The following MAP3K11 variants were observed in gnomAD, a reference collection of about 807,000 sequenced individuals.
MAP3K11 encodes the protein SH3 domain-containing proline-rich kinase.
Under a neutral mutation model 84.9 loss-of-function variants are expected in MAP3K11, and 46 were observed. The ratio of observed to expected loss-of-function variants is 0.54; its 90% confidence interval spans 0.43 to 0.69. The LOEUF (loss-of-function observed/expected upper bound fraction) is 0.69, where lower values mean the gene tolerates loss of function less well. Among genes scored for constraint, MAP3K11 ranks in the 30% least tolerant of loss-of-function variants. The pLI is 0.00. For missense variants in MAP3K11, 1,053 were observed against 1,198.3 expected, an observed-to-expected ratio of 0.88 and a Z score of 1.79; for synonymous variants, 527 against 514.7, an observed-to-expected ratio of 1.02 and a Z score of -0.32.
In MAP3K11 at chr11:65,613,464, T is replaced by C; in HGVS notation, c.293A>G (p.Asn98Ser). Residue 98 changes from asparagine (N) to serine (S), a missense_variant, in exon 1 of 10, where the codon AAC (asparagine) becomes AGC (serine). Physicochemically the swap from Asn to Ser is conservative, Grantham distance 46 (BLOSUM62 1). Transcript: ENST00000309100. ...CGGGCCGCCACCCCGAGACACATAG[T>C]TGGACGGGAAGATGCCCACCTGGCC... ...VGGQVGIFPS[N>S]YVSRGGGPPP... 4.3e-6 allele frequency: 7 copies of C among 1,612,106 alleles called. No homozygotes were observed. The highest frequency in any genetic ancestry group is 5.9e-6 in the Non-Finnish European group (7 of 1,179,386).
In MAP3K11 at chr11:65,599,756, C is replaced by A; in HGVS notation, c.1844G>T (p.Arg615Leu). 1 of 1,593,372 alleles carries A rather than the reference C, an allele frequency of 6.3e-7. No homozygotes were observed. Among genetic ancestry groups the A allele is most frequent in the African/African-American group, 1.3e-5 (1 of 74,906 alleles). Residue 615 changes from arginine to leucine, a missense_variant, in exon 9 of 10, where the codon CGG becomes CTG. By Grantham distance (102) the Arg-to-Leu change is moderately radical (BLOSUM62 -2). Coordinates refer to ENST00000309100, the MANE Select transcript of MAP3K11 (RefSeq NM_002419.4). The part of the protein sequence containing the change: ...TPPALNGNPP[R>L]PSLEPEEPKR... ...GGGCTCCTCGGGCTCCAGGCTAGGC[C>A]GCGGGGGGTTACCTGCGGGCAGAGG...
chr11:65,607,311 A>G lies in MAP3K11; in HGVS notation c.1448T>C (p.Leu483Pro). 6.6e-7 allele frequency: 1 copy of G among 1,522,956 alleles called. No homozygotes were observed. Among genetic ancestry groups the G allele is most frequent in the Non-Finnish European group, 8.7e-7 (1 of 1,144,384 alleles). 94.3% of individuals were successfully genotyped at this position (1,522,956 alleles called of 1,614,324 possible). A position where few individuals can be genotyped will look rare whatever the true frequency, so the allele number is the denominator to read the frequency against. ...ACGCTCGCCGCCGTCGCGCGCCCGG[A>G]GCTTGCTGCGCTTGAATGTCCCGCG... ...RRRGTFKRSK[L>P]RARDGGERIS... Residue 483 changes from leucine to proline, a missense_variant, in exon 5 of 10, where the codon CTC becomes CCC. Leu to Pro is a moderately conservative substitution (Grantham distance 98, BLOSUM62 -3). Transcript: ENST00000309100.
rs748613462 is a variant in MAP3K11 at position 65,607,294 on chromosome 11, C to T, written c.1465G>A (p.Gly489Ser). The T allele has an allele frequency of 2.6e-6, 4 of 1,520,982 alleles. No individual in the cohort carries two copies. The East Asian group carries it at 7.7e-5, about 29-fold the overall frequency. The allele number at this position is 1,520,982 out of a possible 1,614,324, so 94.2% of individuals were successfully genotyped here. ...CCGAGTGGCATGCTGATACGCTCGCCGCCGTCGCGCGCCCGGAGCTTGCTG... is the reference window on the plus strand; with the variant it reads ...CCGAGTGGCATGCTGATACGCTCGCTGCCGTCGCGCGCCCGGAGCTTGCTG... The part of the protein sequence containing the change: ...KRSKLRARDG[G>S]ERISMPLDFK... Residue 489 changes from glycine (G) to serine (S), a missense_variant, in exon 5 of 10, where the codon GGC becomes AGC. Physicochemically the swap from Gly to Ser is moderately conservative, Grantham distance 56 (BLOSUM62 0). Coordinates refer to ENST00000309100, the MANE Select transcript of MAP3K11 (RefSeq NM_002419.4).
intron 5 of MAP3K11, 84 bp from the exon 6 acceptor site, chr11:65,606,888 C>G (rs1854514817): frequency 1.2e-6 from 1 of 853,428 alleles, no homozygotes; most frequent in African/African-American, 1.8e-5. Flanking sequence ...CCAAGGCCAG[C>G]TCCCAGGCCA....
chr11:65,602,653 A>T (rs1168291811), intron 8 of MAP3K11, among the ~76,000 whole-genome samples: 5 of 151,502 alleles, frequency 3.3e-5, no homozygotes, highest in African/African-American at 1.2e-4. Flanking sequence ...CTCAAAAAAA[A>T]AAAAATTAGC....
chr11:65,611,789 CCT>C (rs1565145900), intron 1 of MAP3K11: 1 of 152,404 alleles, frequency 6.6e-6, no homozygotes, highest in African/African-American at 2.4e-5. Context: ...GTCCCCTCCC[CCT>C]GTGCCTTCGG....
chr11:65,608,639 T>G, intron 1 of MAP3K11, 191 bp from the exon 2 acceptor site: 7 of 570,702 alleles, frequency 1.2e-5, no homozygotes, highest in East Asian at 3.0e-5. Flanking sequence ...TTTCTTAAGA[T>G]AGAGTTTTGC....
Position 65,605,842 on chromosome 11 carries a change from G to T in MAP3K11, c.1750C>A (p.Arg584Ser). Residue 584 changes from arginine to serine, a missense_variant, in exon 8 of 10, where the codon CGC becomes AGC. By Grantham distance (110) the Arg-to-Ser change is moderately radical. Transcript: ENST00000309100. ...AGGTACCATGTGGCTTCGTCCATGC[G>T]GGACCTTCTCCTGGTGATGGGAGGG... ...GEAQNGRRRS[R>S]MDEATWYLDS... The T allele has an allele frequency of 6.2e-7, 1 of 1,613,256 alleles. No individual in the cohort carries two copies. Among genetic ancestry groups the T allele is most frequent in the Non-Finnish European group, 8.5e-7 (1 of 1,179,574 alleles).
chr11:65,599,561 G>T lies in MAP3K11; in HGVS notation c.2039C>A (p.Thr680Lys). The change falls in exon 9 of 10, where the codon ACG (threonine) becomes AAG (lysine). Residue 680 changes from threonine to lysine, a missense_variant. By Grantham distance (78) the Thr-to-Lys change is moderately conservative. Coordinates refer to ENST00000309100, the MANE Select transcript of MAP3K11 (RefSeq NM_002419.4). ...ERGESPTTPP[T>K]PTPAPCPTEP... Reference sequence around the variant, plus strand: ...GGTCGGGCAGGGCGCGGGCGTTGGCGTGGGGGGTGTTGTCGGGGACTCCCC... The same window carrying T: ...GGTCGGGCAGGGCGCGGGCGTTGGCTTGGGGGGTGTTGTCGGGGACTCCCC... 5.3e-6 allele frequency: 8 copies of T among 1,499,848 alleles called. No homozygotes were observed. Among genetic ancestry groups the T allele is most frequent in the Non-Finnish European group, 7.1e-6 (8 of 1,133,296 alleles). The allele number at this position is 1,499,848 out of a possible 1,614,324, so 92.9% of individuals were successfully genotyped here. A position where few individuals can be genotyped will look rare whatever the true frequency, so the allele number is the denominator to read the frequency against.
chr11:65,612,197 TTC>T (rs1287493048), intron 1 of MAP3K11: 3 of 152,374 alleles, frequency 2.0e-5, no homozygotes, highest in Non-Finnish European at 4.4e-5. Context: ...CTTCCATGCC[TTC>T]TCTCTCTAAA....
At chr11:65,608,135 T>G in intron 2 of MAP3K11, 65 bp from the exon 3 acceptor site, 2 of 1,600,244 alleles carry the variant, frequency 1.2e-6, no homozygotes, top group Non-Finnish European at 1.7e-6. Context: ...TTACTGCCAC[T>G]TCACCCAAAA....
rs755487787 is a variant in MAP3K11, at chr11:65,605,868, C to A, written c.1740-16G>T. ...GGACCTTCTCCTGGTGATGGGAGGG[C>A]AAGGAGGGGTGCTTTAGGAATTTCA... On this transcript the variant is annotated splice_polypyrimidine_tract_variant and intron_variant, in intron 7 of 9. Transcript: ENST00000309100. 6.2e-7 allele frequency: 1 copy of A among 1,612,658 alleles called. No individual in the cohort carries two copies. Among genetic ancestry groups the A allele is most frequent in the Non-Finnish European group, 8.5e-7 (1 of 1,179,364 alleles).
chr11:65,603,046 T>C (rs540058387), intron 8 of MAP3K11, among the ~76,000 whole-genome samples: 4 of 152,256 alleles, frequency 2.6e-5, no homozygotes, highest in African/African-American at 7.2e-5. Flanking sequence ...GAGTTTGCAG[T>C]GAGCCATGAT....
At position 65,613,224 on chromosome 11, in the gene MAP3K11, G is replaced by C. The variant is rs1010772289; in HGVS notation, c.533C>G (p.Ala178Gly). ...FAMLAHPNIIALKAVCLEEPN... is the reference protein window; with the variant it reads ...FAMLAHPNIIGLKAVCLEEPN... ...CTCCTCCAGGCACACAGCCTTGAGG[G>C]CAATGATGTTGGGGTGTGCCAGCAT... The change falls in exon 1 of 10, where the codon GCC (alanine) becomes GGC (glycine). Residue 178 changes from alanine to glycine, a missense_variant. Physicochemically the swap from Ala to Gly is moderately conservative, Grantham distance 60 (BLOSUM62 0). Around this residue, in one of 3 missense-constraint regions of MAP3K11, gnomAD observed 310 missense variants for 464.5 expected, o/e 0.67. Coordinates refer to ENST00000309100, the MANE Select transcript of MAP3K11 (RefSeq NM_002419.4). 16 of 1,597,480 alleles carry C rather than the reference G, an allele frequency of 1.0e-5. No individual in the cohort carries two copies. The highest frequency in any genetic ancestry group is 1.4e-5 in the Non-Finnish European group (16 of 1,169,934).
chr11:65,613,450 C>A lies in MAP3K11; in HGVS notation c.307G>T (p.Gly103Cys), dbSNP rs1343563904. The A allele has an allele frequency of 2.5e-6, 4 of 1,612,316 alleles. No homozygotes were observed. The South Asian group carries it at 3.3e-5, about 13-fold the overall frequency. The change falls in exon 1 of 10, where the codon GGT (glycine) becomes TGT (cysteine). Residue 103 changes from glycine to cysteine, a missense_variant. Transcript: ENST00000309100. ...ACCTCGCAGGGGGGCGGGCCGCCAC[C>A]CCGAGACACATAGTTGGACGGGAAG... ...GIFPSNYVSR[G>C]GGPPPCEVAS...
In MAP3K11 at chr11:65,613,196, G is replaced by A. The variant is rs1290164827; in HGVS notation, c.561C>T (p.Pro187=). The part of the protein sequence containing the change: ...IALKAVCLEE[P]NLCLVMEYAA... ...CATACTCCATCACCAGGCACAGGTT[G>A]GGCTCCTCCAGGCACACAGCCTTGA... Residue 187 remains proline, a synonymous_variant, in exon 1 of 10, where the codon CCC becomes CCT. Transcript: ENST00000309100. The A allele has an allele frequency of 2.5e-6, 4 of 1,588,888 alleles. No homozygotes were observed. The highest frequency in any genetic ancestry group is 3.4e-6 in the Non-Finnish European group (4 of 1,165,798).
intron 1 of MAP3K11, 94 bp from the exon 2 acceptor site, chr11:65,608,542 C>G (rs1854539245): frequency 8.6e-7 from 1 of 1,161,738 alleles, no homozygotes; most frequent in East Asian, 2.4e-5. Context: ...GACATCCTGG[C>G]TGGGTCCTGG....
At chr11:65,605,632 T>C (rs1263396857) in intron 8 of MAP3K11, 129 bp downstream of exon 8, 1 of 650,668 alleles carries the variant, frequency 1.5e-6, no homozygotes, top group African/African-American at 1.9e-5. Context: ...TCAGCCTTGG[T>C]TTCCTAGTCT....
intron 5 of MAP3K11, chr11:65,607,044 T>C (rs1270054016): frequency 5.7e-6 from 4 of 697,984 alleles, no homozygotes; most frequent in Non-Finnish European, 8.8e-6. Context: ...CCCAGAACTT[T>C]CGTGAACCCC....
Sources: allele counts gnomAD v4.1 joint callset (sites outside exome capture counted in the v4.1 genomes callset), GRCh38; gene constraint gnomAD v4.1.1; regional missense constraint gnomAD v4.1.1; transcripts MANE v1.5; gene names NCBI Gene and HGNC (gene_info 2026-07-23, HGNC 2026-07-21).